STK3: variants seen among roughly 807,000 people sequenced by gnomAD.
STK3 encodes serine/threonine-protein kinase 3.
Under a neutral mutation model 58.0 loss-of-function variants are expected in STK3, and 41 were observed. The ratio of observed to expected loss-of-function variants is 0.71; its 90% CI spans 0.55 to 0.92. STK3 has a LOEUF of 0.92. Among genes scored for constraint, STK3 ranks in the 40% least tolerant of loss-of-function variants. The probability of loss-of-function intolerance (pLI) is 0.00; values close to 1 mark genes in which losing one functional copy is unlikely to be tolerated. For synonymous variants in STK3, 170 were observed against 191.0 expected, an observed-to-expected ratio of 0.89 and a Z score of 0.91; for missense variants, 479 against 602.7, an observed-to-expected ratio of 0.79 and a Z score of 2.15.
intron 6 of STK3, among the ~76,000 whole-genome samples, chr8:98,687,497 C>T (rs1037387990): frequency 6.6e-6 from 1 of 152,184 alleles, no homozygotes; most frequent in Non-Finnish European, 1.5e-5. Context: ...CGGTTCCTAA[C>T]AGTTCATGGA....
At chr8:98,859,626 T>A (rs983809298) in intron 3 of STK3, among the ~76,000 whole-genome samples, 5 of 152,234 alleles carry the variant, frequency 3.3e-5, no homozygotes, top group Non-Finnish European at 7.3e-5. Context: ...ATAGCTCTTA[T>A]GACTCCTCTC....
At chr8:98,357,188 A>C in the STK3 span, among the ~76,000 whole-genome samples, 24 of 152,306 alleles carry the variant, frequency 1.6e-4, no homozygotes, top group South Asian at 8.3e-4. Flanking sequence ...CTGGATTAGC[A>C]GGGATCCAGC....
At chr8:98,449,067 A>C (rs1819080425) in intron 1 of STK3, among the ~76,000 whole-genome samples, 2 of 152,124 alleles carry the variant, frequency 1.3e-5, no homozygotes, top group Non-Finnish European at 2.9e-5. Flanking sequence ...TGAGGACAGG[A>C]GGTGTGAGGG....
chr8:98,583,117 C>G (rs1248367806), intron 7 of STK3, among the ~76,000 whole-genome samples: 1 of 148,382 alleles, frequency 6.7e-6, no homozygotes, highest in East Asian at 2.0e-4. Context: ...CTGTTTTTAA[C>G]TTTTTTTTTT....
chr8:98,765,884 A>G (rs894202756), intron 3 of STK3, among the ~76,000 whole-genome samples: 1 of 152,254 alleles, frequency 6.6e-6, no homozygotes, highest in Non-Finnish European at 1.5e-5. Flanking sequence ...AATAAAGCCT[A>G]GGCTACTTCA....
At chr8:98,757,284 G>A (rs1028430414) in intron 3 of STK3, among the ~76,000 whole-genome samples, 16 of 150,344 alleles carry the variant, frequency 1.1e-4, no homozygotes, top group East Asian at 2.0e-4. Flanking sequence ...GGGTTCAAGC[G>A]ATTCGCCTGC....
At chr8:98,587,448 T>C (rs58275866) in intron 7 of STK3, among the ~76,000 whole-genome samples, 1,880 of 151,886 alleles carry the variant, frequency 0.012, 52 homozygotes, top group African/African-American at 0.043. Flanking sequence ...TTTGATTGCA[T>C]TGTGGTCTGA....
chr8:98,650,842 C>A (rs892396790), intron 6 of STK3, among the ~76,000 whole-genome samples: 1 of 152,210 alleles, frequency 6.6e-6, no homozygotes, highest in African/African-American at 2.4e-5. Context: ...CCAGGAAGCT[C>A]CAACTGGGTA....
At chr8:98,738,139 CA>C (rs1243642807) in intron 4 of STK3, among the ~76,000 whole-genome samples, 2 of 152,194 alleles carry the variant, frequency 1.3e-5, no homozygotes, top group Non-Finnish European at 2.9e-5. Flanking sequence ...TAATTCCAAT[CA>C]CAAACCCAGC....
At chr8:98,908,237 A>G (rs1838989846) in intron 1 of STK3, among the ~76,000 whole-genome samples, 1 of 152,230 alleles carries the variant, frequency 6.6e-6, no homozygotes, top group Non-Finnish European at 1.5e-5. Context: ...ATACTTCTCT[A>G]AGGAAAAATG....
intron 4 of STK3, among the ~76,000 whole-genome samples, chr8:98,743,832 C>T (rs1212252630): frequency 1.3e-5 from 2 of 151,952 alleles, no homozygotes; most frequent in Non-Finnish European, 2.9e-5. Context: ...TCGCAACCTA[C>T]TCATCTGACA....
At chr8:98,676,241 T>C (rs900850330) in intron 6 of STK3, among the ~76,000 whole-genome samples, 1 of 152,240 alleles carries the variant, frequency 6.6e-6, no homozygotes, top group African/African-American at 2.4e-5. Flanking sequence ...TTAACAGGCA[T>C]GGAGTTTCAG....
chr8:98,387,016 T>TA (rs1390436800), intron 1 of STK3, among the ~76,000 whole-genome samples: 2 of 152,032 alleles, frequency 1.3e-5, no homozygotes, highest in Non-Finnish European at 2.9e-5. Context: ...AAAACAAAAA[T>TA]TAATTAGGAA....
the STK3 span, among the ~76,000 whole-genome samples, chr8:98,347,259 A>T: frequency 7.2e-5 from 11 of 151,982 alleles, no homozygotes; most frequent in African/African-American, 2.7e-4. Context: ...TCACGCTTGT[A>T]ATCCCAGCAC....
chr8:98,851,022 T>C (rs1288978679), intron 3 of STK3, among the ~76,000 whole-genome samples: 4 of 152,130 alleles, frequency 2.6e-5, no homozygotes, highest in African/African-American at 9.7e-5. Context: ...ACCTGGCATC[T>C]CCTAGGAGAT....
intron 3 of STK3, among the ~76,000 whole-genome samples, chr8:98,851,195 C>T (rs1836455874): frequency 6.6e-6 from 1 of 152,158 alleles, no homozygotes; most frequent in Admixed American, 6.5e-5. Flanking sequence ...GTATAATTTC[C>T]ATGAGGACAG....
chr8:98,357,085 G>C, the STK3 span, among the ~76,000 whole-genome samples: 1 of 152,192 alleles, frequency 6.6e-6, no homozygotes, highest in African/African-American at 2.4e-5. Context: ...AAGAGTCTTT[G>C]TGCTTTTTAT....
intron 6 of STK3, among the ~76,000 whole-genome samples, chr8:98,600,638 A>G (rs1483783773): frequency 6.6e-6 from 1 of 152,230 alleles, no homozygotes; most frequent in Non-Finnish European, 1.5e-5. Context: ...AGGCTCTGTT[A>G]TATACATTCA....
intron 3 of STK3, chr8:98,429,130 C>T (rs909380784): frequency 7.4e-6 from 12 of 1,613,240 alleles, no homozygotes; most frequent in Non-Finnish European, 9.3e-6. Flanking sequence ...GTCCCAGGGA[C>T]CACGGCAGGA....
Sources: allele counts gnomAD v4.1 joint callset (sites outside exome capture counted in the v4.1 genomes callset), GRCh38; gene constraint gnomAD v4.1.1; transcripts MANE v1.5; gene names NCBI Gene and HGNC (gene_info 2026-07-23, HGNC 2026-07-21).